Variants in TBC1D19 observed in about 807,000 individuals in gnomAD.
TBC1D19 encodes the protein TBC1 domain family, member 19.
Under a neutral mutation model 89.0 loss-of-function variants are expected in TBC1D19, and 60 were observed. That is an observed-to-expected ratio of 0.67 (90% CI 0.55 to 0.84). The LOEUF is 0.84. Among genes scored for constraint, TBC1D19 ranks in the 40% least tolerant of loss-of-function variants. The probability of loss-of-function intolerance (pLI) is 0.00; values close to 1 mark genes in which losing one functional copy is unlikely to be tolerated. For synonymous variants in TBC1D19, 189 were observed against 199.7 expected, an observed-to-expected ratio of 0.95 and a Z score of 0.45; for missense variants, 500 against 610.8, an observed-to-expected ratio of 0.82 and a Z score of 1.91.
the TBC1D19 span, among the ~76,000 whole-genome samples, chr4:26,766,943 T>C: frequency 6.6e-6 from 1 of 152,196 alleles, no homozygotes; most frequent in Non-Finnish European, 1.5e-5. Flanking sequence ...TAGTGATGCA[T>C]AAAATAGCAA....
intron 13 of TBC1D19, among the ~76,000 whole-genome samples, chr4:26,699,281 A>T (rs575282316): frequency 6.6e-6 from 1 of 152,244 alleles, no homozygotes; most frequent in Non-Finnish European, 1.5e-5. Flanking sequence ...ATCACTGGCC[A>T]TCAGAGAAAT....
At position 26,699,023 on chromosome 4, in the gene TBC1D19, T is replaced by A. The variant is rs1325837440; in HGVS notation, c.954+10616T>A. On this transcript the variant is annotated intron_variant, in intron 13 of 20. Transcript: ENST00000264866. ...CCAAAATTGACAAATGTTATCTAAT[T>A]AAATGAAGGAGCTTCTGCACAGCAA... is the stretch of plus-strand genomic sequence containing the variant. Among the ~76,000 whole-genome samples the A allele has an allele frequency of 2.6e-5, 4 of 152,278 alleles. No individual in the cohort carries two copies. In the East Asian group the frequency reaches 7.7e-4, roughly 29 times the overall value.
the TBC1D19 span, among the ~76,000 whole-genome samples, chr4:26,762,797 G>A: frequency 4.6e-5 from 7 of 152,112 alleles, no homozygotes; most frequent in South Asian, 6.2e-4. Context: ...GGATTTGAAG[G>A]TGTCACACAG....
the TBC1D19 span, among the ~76,000 whole-genome samples, chr4:26,820,081 GTGATGCTT>G: frequency 1.3e-5 from 2 of 152,128 alleles, no homozygotes; most frequent in African/African-American, 4.8e-5. Flanking sequence ...GGGGTACAAT[GTGATGCTT>G]TGATCTATGT....
chr4:26,703,857 A>C lies in TBC1D19; in HGVS notation c.955-14076A>C, dbSNP rs559793649. ...GCGCCTGTAGTCCCAGCTACTCGGG[A>C]GGCTGAGGCAGGAGAATGGCGTGAA... On this transcript the variant is annotated intron_variant, in intron 13 of 20. Transcript: ENST00000264866. Among the ~76,000 whole-genome samples, 52 of 149,260 alleles carry C rather than the reference A, an allele frequency of 3.5e-4. No homozygotes were observed. The East Asian group carries it at 0.01, about 29-fold the overall frequency.
chr4:26,763,694 T>C, the TBC1D19 span, among the ~76,000 whole-genome samples: 1 of 152,200 alleles, frequency 6.6e-6, no homozygotes, highest in East Asian at 1.9e-4. Flanking sequence ...CTTGACAAAA[T>C]AAACTTTCTA....
At chr4:26,655,356 A>T (rs139142666) in intron 7 of TBC1D19, among the ~76,000 whole-genome samples, 1,581 of 152,326 alleles carry the variant, frequency 0.01, 18 homozygotes, top group African/African-American at 0.034. Context: ...CCGTTCTCAG[A>T]TCTCAAGCTG....
chr4:26,718,259 C>T (rs1369708222), intron 14 of TBC1D19, among the ~76,000 whole-genome samples: 3 of 151,954 alleles, frequency 2.0e-5, no homozygotes, highest in South Asian at 2.1e-4. Context: ...CCTGTGTGCT[C>T]TACCCTTTAT....
the TBC1D19 span, among the ~76,000 whole-genome samples, chr4:26,803,006 A>G: frequency 6.6e-6 from 1 of 152,166 alleles, no homozygotes; most frequent in Admixed American, 6.5e-5. Context: ...CGCTAATCCC[A>G]TTTATGAAGG....
the TBC1D19 span, among the ~76,000 whole-genome samples, chr4:26,840,863 CCTT>C: frequency 7.8e-3 from 1,195 of 152,254 alleles, 14 homozygotes; most frequent in African/African-American, 0.027. Flanking sequence ...TTCTCACTGC[CCTT>C]CTTCTCACTT....
chr4:26,632,616 G>C (rs1010694511), intron 4 of TBC1D19, among the ~76,000 whole-genome samples: 1 of 152,154 alleles, frequency 6.6e-6, no homozygotes. Flanking sequence ...GGATACAGGA[G>C]AGGCAGGCAC....
At chr4:26,683,820 A>G (rs1713567814) in intron 12 of TBC1D19, 71 bp downstream of exon 12, 14 of 1,226,346 alleles carry the variant, frequency 1.1e-5, no homozygotes, top group Admixed American at 7.9e-5. Flanking sequence ...CAGTATGCAG[A>G]GCCTGTGCTA....
At chr4:26,716,046 T>C (rs1306842053) in intron 13 of TBC1D19, among the ~76,000 whole-genome samples, 1 of 152,152 alleles carries the variant, frequency 6.6e-6, no homozygotes, top group Non-Finnish European at 1.5e-5. Flanking sequence ...CACCCACTCT[T>C]TCTCTGTTCC....
At chr4:26,822,497 T>C in the TBC1D19 span, among the ~76,000 whole-genome samples, 1 of 152,230 alleles carries the variant, frequency 6.6e-6, no homozygotes, top group Non-Finnish European at 1.5e-5. Flanking sequence ...TATGTTTCCC[T>C]AAATAAAGTT....
intron 1 of TBC1D19, among the ~76,000 whole-genome samples, chr4:26,589,968 C>A (rs961687744): frequency 2.0e-5 from 3 of 152,214 alleles, no homozygotes; most frequent in Non-Finnish European, 4.4e-5. Context: ...TTTGTATGGG[C>A]ACCTGGCATA....
chr4:26,675,529 T>G (rs774898636), intron 11 of TBC1D19, among the ~76,000 whole-genome samples: 13 of 152,100 alleles, frequency 8.5e-5, no homozygotes, highest in Non-Finnish European at 1.5e-4. Context: ...GCAACCCTGA[T>G]TTTTTTATTA....
At chr4:26,703,188 G>A (rs1715468450) in intron 13 of TBC1D19, among the ~76,000 whole-genome samples, 1 of 152,062 alleles carries the variant, frequency 6.6e-6, no homozygotes, top group African/African-American at 2.4e-5. Flanking sequence ...TGGGAATTAT[G>A]TAAAAATAAA....
At chr4:26,583,717 G>T (rs1321908161), upstream of TBC1D19, among the ~76,000 whole-genome samples, 2 of 152,214 alleles carry the variant, frequency 1.3e-5, no homozygotes, top group African/African-American at 4.8e-5. Flanking sequence ...GGCGGAAACT[G>T]TAACACGTTT....
intron 3 of TBC1D19, among the ~76,000 whole-genome samples, chr4:26,619,358 C>T (rs1172559915): frequency 6.6e-6 from 1 of 152,118 alleles, no homozygotes; most frequent in African/African-American, 2.4e-5. Context: ...GCATGTGCCA[C>T]CACGGCTGGC....
Sources: gnomAD v4.1 joint callset for allele counts (sites outside exome capture counted in the v4.1 genomes callset) on GRCh38, gnomAD v4.1.1 for gene constraint, MANE v1.5 for transcripts, NCBI Gene and HGNC (gene_info 2026-07-23, HGNC 2026-07-21) for gene names.